The following RALGAPA2 variants were observed in gnomAD, a reference collection of about 807,000 sequenced individuals.
The protein encoded by RALGAPA2 is ral GTPase-activating protein subunit alpha-2.
RALGAPA2 carries 139 observed loss-of-function variants against 230.4 expected under a neutral mutation model. The observed-to-expected ratio is 0.60, with a 90% CI of 0.53 to 0.69. The LOEUF is 0.69. Among genes scored for constraint, RALGAPA2 ranks in the 30% least tolerant of loss-of-function variants. RALGAPA2 has a pLI of 0.00. For missense variants in RALGAPA2, 2,163 were observed against 2,276.0 expected (o/e 0.95, Z 1.01); for synonymous variants, 847 against 837.8 (o/e 1.01, Z -0.19).
rs200835533 is a variant in RALGAPA2, at chr20:20,680,665, T to TA, written c.217+25dup. 1.7e-3 allele frequency: 2,534 copies of TA among 1,493,406 alleles called. 11 individuals are homozygous for TA. The highest frequency in any genetic ancestry group is 9.0e-3 in the South Asian group (670 of 74,824). The allele number at this position is 1,493,406 out of a possible 1,614,324, so 92.5% of individuals were successfully genotyped here. On this transcript the variant is annotated intron_variant, in intron 2 of 39. Coordinates refer to ENST00000202677, the MANE Select transcript of RALGAPA2 (RefSeq NM_020343.4). ...CTTATAAAAATGCCCGAATGTTTTTTAAAAAAAAACTACTGAAATGCTTAC... is the reference window on the plus strand; with the variant it reads ...CTTATAAAAATGCCCGAATGTTTTTTAAAAAAAAAACTACTGAAATGCTTAC...
chr20:20,508,572 A>G (rs1372672152), intron 33 of RALGAPA2, among the ~76,000 whole-genome samples: 2 of 152,236 alleles, frequency 1.3e-5, no homozygotes, highest in African/African-American at 4.8e-5. Context: ...AATCTAGACC[A>G]TAGCTGCAAG....
At chr20:20,538,875 C>T (rs886144344) in intron 24 of RALGAPA2, among the ~76,000 whole-genome samples, 2 of 152,126 alleles carry the variant, frequency 1.3e-5, no homozygotes, top group African/African-American at 4.8e-5. Flanking sequence ...CTTTGTGCCC[C>T]TCCCATGATA....
At chr20:20,523,894 GCATCTTTAACTTGGTAACTAA>G (rs1254960042) in intron 30 of RALGAPA2, among the ~76,000 whole-genome samples, 1 of 152,156 alleles carries the variant, frequency 6.6e-6, no homozygotes, top group Non-Finnish European at 1.5e-5. Flanking sequence ...TAAAATGCAT[GCATCTTTAACTTGGTAACTAA>G]CCACTGCTTC....
intron 3 of RALGAPA2, among the ~76,000 whole-genome samples, chr20:20,666,878 T>A (rs1436237705): frequency 6.8e-6 from 1 of 147,570 alleles, no homozygotes; most frequent in Non-Finnish European, 1.5e-5. Context: ...ACAAAAGATA[T>A]GCAATTCTCA....
chr20:20,528,159 A>G (rs1294778945), intron 27 of RALGAPA2, among the ~76,000 whole-genome samples: 4 of 152,178 alleles, frequency 2.6e-5, no homozygotes, highest in Non-Finnish European at 5.9e-5. Flanking sequence ...AGGGGGCTGC[A>G]GGCAGGGTGG....
intron 39 of RALGAPA2, among the ~76,000 whole-genome samples, chr20:20,395,859 G>A (rs1372569550): frequency 6.6e-6 from 1 of 152,260 alleles, no homozygotes; most frequent in Non-Finnish European, 1.5e-5. Context: ...ACTGGTGTCT[G>A]TGCCTTGCAT....
chr20:20,539,146 C>A (rs903608792), intron 24 of RALGAPA2, among the ~76,000 whole-genome samples: 2 of 152,106 alleles, frequency 1.3e-5, no homozygotes, highest in Non-Finnish European at 1.5e-5. Context: ...TGTTGCTGTG[C>A]ACAAGCTTCT....
intron 3 of RALGAPA2, among the ~76,000 whole-genome samples, chr20:20,654,615 T>C (rs147336894): frequency 5.4e-3 from 828 of 152,352 alleles, no homozygotes; most frequent in Middle Eastern, 0.01. Context: ...TGTGTATTCA[T>C]ACCACATTTT....
At chr20:20,697,735 G>C (rs973789026) in intron 1 of RALGAPA2, among the ~76,000 whole-genome samples, 1 of 152,170 alleles carries the variant, frequency 6.6e-6, no homozygotes, top group Non-Finnish European at 1.5e-5. Flanking sequence ...GGCTGGCAAT[G>C]CTAGAGACCA....
At chr20:20,461,682 A>G (rs2061304796) in intron 37 of RALGAPA2, among the ~76,000 whole-genome samples, 1 of 152,234 alleles carries the variant, frequency 6.6e-6, no homozygotes, top group African/African-American at 2.4e-5. Context: ...ATCAAGTTGC[A>G]AACATACTAA....
At chr20:20,455,854 CAA>C (rs1387486911) in intron 37 of RALGAPA2, among the ~76,000 whole-genome samples, 1 of 152,116 alleles carries the variant, frequency 6.6e-6, no homozygotes, top group African/African-American at 2.4e-5. Flanking sequence ...TTCCAAGGCA[CAA>C]AGACATAAAC....
At chr20:20,656,822 G>C (rs964583482) in intron 3 of RALGAPA2, among the ~76,000 whole-genome samples, 3 of 152,110 alleles carry the variant, frequency 2.0e-5, no homozygotes, top group Non-Finnish European at 2.9e-5. Context: ...AAAGAGATTA[G>C]AACAAGAAAT....
At chr20:20,582,100 T>G (rs1362765063) in intron 20 of RALGAPA2, among the ~76,000 whole-genome samples, 1 of 151,862 alleles carries the variant, frequency 6.6e-6, no homozygotes, top group Admixed American at 6.6e-5. Context: ...CCCGTTCTCA[T>G]CAGCCTGGTC....
chr20:20,455,355 C>T (rs2061088975), intron 37 of RALGAPA2, among the ~76,000 whole-genome samples: 1 of 152,228 alleles, frequency 6.6e-6, no homozygotes, highest in Non-Finnish European at 1.5e-5. Flanking sequence ...GAGTGGCACT[C>T]CTTCACATCA....
chr20:20,648,743 C>A (rs2067298970), intron 4 of RALGAPA2, among the ~76,000 whole-genome samples: 1 of 151,708 alleles, frequency 6.6e-6, no homozygotes, highest in Non-Finnish European at 1.5e-5. Context: ...GGAAGGCAAG[C>A]GAGCAGGAGG....
At chr20:20,526,801 G>A (rs1396860948) in intron 27 of RALGAPA2, among the ~76,000 whole-genome samples, 2 of 152,136 alleles carry the variant, frequency 1.3e-5, no homozygotes, top group Non-Finnish European at 2.9e-5. Context: ...TTTTACACAT[G>A]GAGAAACAGG....
At position 20,536,686 on chromosome 20, in the gene RALGAPA2, A is replaced by C; in HGVS notation, c.3384T>G (p.Asn1128Lys). The C allele has an allele frequency of 6.2e-7, 1 of 1,613,046 alleles. No individual in the cohort carries two copies. Among genetic ancestry groups the C allele is most frequent in the Non-Finnish European group, 8.5e-7 (1 of 1,179,170 alleles). The part of the protein sequence containing the change: ...IPLLQSVPEV[N>K]EAITGTEDVK... ...CATCTTCAGTTCCTGTAATGGCCTC[A>C]TTTACTTCTGGCACTGACTGCAGTA... The change falls in exon 25 of 40, where the codon AAT (asparagine) becomes AAG (lysine). Residue 1128 changes from asparagine to lysine, a missense_variant. Transcript: ENST00000202677.
intron 16 of RALGAPA2, among the ~76,000 whole-genome samples, chr20:20,594,620 A>G (rs1048350954): frequency 6.6e-6 from 1 of 151,936 alleles, no homozygotes; most frequent in African/African-American, 2.4e-5. Flanking sequence ...CAAATAATGT[A>G]CTCTCTCTAA....
intron 36 of RALGAPA2, among the ~76,000 whole-genome samples, chr20:20,488,614 C>G (rs985627213): frequency 6.6e-6 from 1 of 152,138 alleles, no homozygotes; most frequent in Admixed American, 6.5e-5. Context: ...CGTTCTTTTT[C>G]TTGCTGTGAG....
Sources: allele counts gnomAD v4.1 joint callset (sites outside exome capture counted in the v4.1 genomes callset), GRCh38; gene constraint gnomAD v4.1.1; transcripts MANE v1.5; gene names NCBI Gene and HGNC (gene_info 2026-07-23, HGNC 2026-07-21).